The following PTPRN2 variants were observed in gnomAD, a reference collection of about 807,000 sequenced individuals.
PTPRN2 encodes receptor-type tyrosine-protein phosphatase N2.
Under a neutral mutation model 118.8 loss-of-function variants are expected in PTPRN2, and 74 were observed. The ratio of observed to expected loss-of-function variants is 0.62; its 90% CI spans 0.52 to 0.76. PTPRN2 has a LOEUF of 0.76. PTPRN2 is among the 30% of genes least tolerant of loss of function. The pLI, the probability that PTPRN2 is intolerant of heterozygous loss-of-function variation, is 0.00. For synonymous variants in PTPRN2, 641 were observed against 608.0 expected (o/e 1.05, Z -0.80); for missense variants, 1,481 against 1,394.4 (o/e 1.06, Z -0.99).
chr7:158,312,388 G>T (rs565771099), intron 3 of PTPRN2, among the ~76,000 whole-genome samples: 3 of 145,516 alleles, frequency 2.1e-5, no homozygotes, highest in Admixed American at 2.1e-4. Flanking sequence ...ACACATACCT[G>T]TACATGCACT....
At chr7:157,935,551 C>G (rs952899942) in intron 11 of PTPRN2, among the ~76,000 whole-genome samples, 1 of 152,350 alleles carries the variant, frequency 6.6e-6, no homozygotes, top group Non-Finnish European at 1.5e-5. Flanking sequence ...CCTTTACGTT[C>G]TTGAACAGAT....
intron 12 of PTPRN2, among the ~76,000 whole-genome samples, chr7:157,840,562 G>A (rs1297196282): frequency 6.6e-6 from 1 of 152,196 alleles, no homozygotes; most frequent in Admixed American, 6.5e-5. Flanking sequence ...AGAGGGTACG[G>A]GACGGGAGCT....
rs13312544 is a variant in PTPRN2 at position 158,146,970 on chromosome 7, C to T, written c.911-8455G>A. 5.1e-4 allele frequency among the ~76,000 whole-genome samples: 66 copies of T among 129,024 alleles called. 1 individual carries two copies. The highest frequency in any genetic ancestry group is 1.6e-3 in the African/African-American group (53 of 33,430). The allele number at this position is 129,024 out of a possible 152,430, so 84.6% of individuals were successfully genotyped here. ...TCCCCCTCAATGACACCCCATCTCA[C>T]GCCACGTGTCTTTCCCCCTCAATGA... is the stretch of plus-strand genomic sequence containing the variant. On this transcript the variant is annotated intron_variant, in intron 6 of 22. Transcript: ENST00000389418.
At chr7:157,569,364 C>A (rs1448220047) in intron 20 of PTPRN2, among the ~76,000 whole-genome samples, 1 of 152,240 alleles carries the variant, frequency 6.6e-6, no homozygotes, top group Non-Finnish European at 1.5e-5. Context: ...CGGGCAACCT[C>A]CCGAGCGGAG....
chr7:158,262,620 C>T (rs199932083), intron 3 of PTPRN2, among the ~76,000 whole-genome samples: 1 of 148,134 alleles, frequency 6.8e-6, no homozygotes, highest in African/African-American at 2.5e-5. Flanking sequence ...TGCACACACA[C>T]ATACATTCAC....
intron 11 of PTPRN2, among the ~76,000 whole-genome samples, chr7:158,018,731 C>G (rs1031441476): frequency 6.6e-6 from 1 of 151,972 alleles, no homozygotes; most frequent in Non-Finnish European, 1.5e-5. Flanking sequence ...GAGGCTGAGG[C>G]GGGAGGATCA....
At position 157,662,345 on chromosome 7, in the gene PTPRN2, C is replaced by T. The variant is rs144144957; in HGVS notation, c.2002-5794G>A. ...AATCAGGTTTGCTATGGTCCCTTGC[C>T]GAGTCAGCACTGCACAGGGTGCCAG... is the stretch of plus-strand genomic sequence containing the variant. On this transcript the variant is annotated intron_variant, in intron 13 of 22. Transcript: ENST00000389418. Among the ~76,000 whole-genome samples, 197 of 152,310 alleles carry T rather than the reference C, an allele frequency of 1.3e-3. 1 individual carries two copies. Among genetic ancestry groups the T allele is most frequent in the African/African-American group, 4.4e-3 (182 of 41,556 alleles).
At chr7:157,998,720 T>C (rs2128856276) in intron 11 of PTPRN2, among the ~76,000 whole-genome samples, 1 of 150,822 alleles carries the variant, frequency 6.6e-6, no homozygotes, top group Non-Finnish European at 1.5e-5. Context: ...CTACTCGGGA[T>C]GCTGTGGCAG....
intron 11 of PTPRN2, among the ~76,000 whole-genome samples, chr7:158,026,465 G>A (rs563585673): frequency 8.5e-5 from 13 of 152,306 alleles, no homozygotes; most frequent in Admixed American, 3.9e-4. Context: ...GGATTTTGGC[G>A]AAGCTGAGTG....
chr7:158,140,699 G>A (rs764785683), intron 6 of PTPRN2, among the ~76,000 whole-genome samples: 27 of 152,360 alleles, frequency 1.8e-4, no homozygotes, highest in Non-Finnish European at 2.9e-4. Context: ...AGGAGGAAGC[G>A]TCGGGTGTGA....
intron 1 of PTPRN2, among the ~76,000 whole-genome samples, chr7:158,568,810 ACTT>A (rs1827808025): frequency 6.6e-6 from 1 of 152,094 alleles, no homozygotes; most frequent in African/African-American, 2.4e-5. Flanking sequence ...TTCCTATCAC[ACTT>A]CTTTTAAAAA....
At chr7:158,522,900 T>C (rs1824318074) in intron 1 of PTPRN2, among the ~76,000 whole-genome samples, 1 of 152,172 alleles carries the variant, frequency 6.6e-6, no homozygotes, top group Non-Finnish European at 1.5e-5. Flanking sequence ...AGAACAGACC[T>C]GCCGTGAGAA....
At chr7:158,325,097 A>G (rs1302816142) in intron 2 of PTPRN2, among the ~76,000 whole-genome samples, 2 of 151,502 alleles carry the variant, frequency 1.3e-5, no homozygotes, top group South Asian at 2.1e-4. Context: ...AGGCCCCACA[A>G]TTCTCCCCAG....
chr7:158,149,355 T>A (rs528145835), intron 6 of PTPRN2, among the ~76,000 whole-genome samples: 2 of 152,142 alleles, frequency 1.3e-5, no homozygotes, highest in Non-Finnish European at 2.9e-5. Flanking sequence ...ACAACTACAT[T>A]GACATAAACT....
rs534278432 is a variant in PTPRN2 at position 158,216,404 on chromosome 7, G to A, written c.278-11131C>T. ...CATTAAATGTAAATGGGCTAAATAT[G>A]ACAATGAAAACACTGGCTGAGTGGG... is the stretch of plus-strand genomic sequence containing the variant. On this transcript the variant is annotated intron_variant, in intron 3 of 22. Coordinates refer to ENST00000389418, the MANE Select transcript of PTPRN2 (RefSeq NM_002847.5). Among the ~76,000 whole-genome samples, 2 of 151,590 alleles carry A rather than the reference G, an allele frequency of 1.3e-5. 1 individual carries two copies. The highest frequency in any genetic ancestry group is 4.2e-4 in the South Asian group (2 of 4,790).
intron 2 of PTPRN2, among the ~76,000 whole-genome samples, chr7:158,398,050 C>T (rs908094712): frequency 3.3e-5 from 5 of 152,154 alleles, no homozygotes; most frequent in East Asian, 1.9e-4. Flanking sequence ...TTTGCAGACT[C>T]GAAGATTCTG....
At chr7:157,755,711 C>T (rs1366805322) in intron 12 of PTPRN2, among the ~76,000 whole-genome samples, 2 of 151,956 alleles carry the variant, frequency 1.3e-5, no homozygotes, top group Non-Finnish European at 2.9e-5. Context: ...ATGACAGACA[C>T]TGGGGACCCC....
At chr7:157,962,764 G>A (rs1229221988) in intron 11 of PTPRN2, among the ~76,000 whole-genome samples, 1 of 152,210 alleles carries the variant, frequency 6.6e-6, no homozygotes, top group Non-Finnish European at 1.5e-5. Flanking sequence ...AAGTGAACCA[G>A]TCAGGAATAA....
chr7:157,926,832 G>A (rs894452265), intron 11 of PTPRN2, among the ~76,000 whole-genome samples: 2 of 152,150 alleles, frequency 1.3e-5, no homozygotes, highest in African/African-American at 2.4e-5. Context: ...GGTAAGAGTC[G>A]CCTCCCCCTG....
Sources: allele counts gnomAD v4.1 joint callset (sites outside exome capture counted in the v4.1 genomes callset), GRCh38; gene constraint gnomAD v4.1.1; transcripts MANE v1.5; gene names NCBI Gene and HGNC (gene_info 2026-07-23, HGNC 2026-07-21).